The following KLF12 variants were observed in gnomAD, a reference collection of about 807,000 sequenced individuals.
The protein encoded by KLF12 is Krueppel-like factor 12.
In KLF12, 9 loss-of-function variants were observed where a neutral mutation model predicts 37.8. That is an observed-to-expected ratio of 0.24 (90% CI 0.14 to 0.42). The LOEUF (loss-of-function observed/expected upper bound fraction) is 0.42, where lower values mean the gene tolerates loss of function less well. KLF12 is among the 10% of genes least tolerant of loss of function. The pLI is 1.00. For missense variants in KLF12, 411 were observed against 516.0 expected, an observed-to-expected ratio of 0.80 and a Z score of 1.97; for synonymous variants, 208 against 202.1, an observed-to-expected ratio of 1.03 and a Z score of -0.25.
intron 1 of KLF12, among the ~76,000 whole-genome samples, chr13:74,033,713 G>A (rs999393669): frequency 4.6e-5 from 7 of 151,906 alleles, no homozygotes; most frequent in African/African-American, 1.5e-4. Flanking sequence ...TGATTGCTTC[G>A]CAACTTTTAA....
At chr13:73,735,674 T>C (rs957189015) in intron 6 of KLF12, among the ~76,000 whole-genome samples, 7 of 152,130 alleles carry the variant, frequency 4.6e-5, no homozygotes, top group African/African-American at 1.4e-4. Flanking sequence ...TCTGGAGGAG[T>C]TGAGGAAAAG....
At chr13:73,963,127 C>T (rs1891069517) in intron 2 of KLF12, among the ~76,000 whole-genome samples, 1 of 152,030 alleles carries the variant, frequency 6.6e-6, no homozygotes, top group Non-Finnish European at 1.5e-5. Flanking sequence ...AAGAAAATTG[C>T]TATCTGGTAT....
chr13:74,014,567 C>T (rs1057400367), intron 1 of KLF12, among the ~76,000 whole-genome samples: 1 of 152,068 alleles, frequency 6.6e-6, no homozygotes, highest in African/African-American at 2.4e-5. Flanking sequence ...ATATGGAATG[C>T]ATATTAAAAT....
At chr13:73,736,487 C>T (rs1194414391) in intron 6 of KLF12, among the ~76,000 whole-genome samples, 3 of 152,094 alleles carry the variant, frequency 2.0e-5, no homozygotes, top group African/African-American at 7.2e-5. Flanking sequence ...AGAAAAGTCA[C>T]CATTTTATAC....
intron 1 of KLF12, among the ~76,000 whole-genome samples, chr13:74,038,935 G>A (rs1178984242): frequency 1.3e-5 from 2 of 151,438 alleles, no homozygotes; most frequent in African/African-American, 4.8e-5. Flanking sequence ...TATGCTATTA[G>A]AATTTGAATA....
At chr13:73,788,652 TA>T (rs1242072968) in intron 5 of KLF12, among the ~76,000 whole-genome samples, 5 of 151,062 alleles carry the variant, frequency 3.3e-5, no homozygotes, top group Non-Finnish European at 5.9e-5. Context: ...TTTTTTTTTT[TA>T]TTTTTAAAGA....
the KLF12 span, among the ~76,000 whole-genome samples, chr13:74,285,007 G>A: frequency 1.3e-5 from 2 of 152,106 alleles, no homozygotes; most frequent in African/African-American, 4.8e-5. Context: ...TGAGATTGGA[G>A]GTTTATGAAA....
At chr13:74,088,737 T>C (rs1399021736) in intron 1 of KLF12, among the ~76,000 whole-genome samples, 1 of 152,154 alleles carries the variant, frequency 6.6e-6, no homozygotes, top group Non-Finnish European at 1.5e-5. Context: ...ATGCCTAAAC[T>C]TGTACTTCTG....
chr13:73,925,603 C>T (rs920970709), intron 3 of KLF12, among the ~76,000 whole-genome samples: 1 of 152,086 alleles, frequency 6.6e-6, no homozygotes, highest in African/African-American at 2.4e-5. Context: ...CATTCTGCAG[C>T]CCGTGGATAA....
intron 2 of KLF12, among the ~76,000 whole-genome samples, chr13:73,976,995 A>G (rs975483986): frequency 6.6e-6 from 1 of 152,126 alleles, no homozygotes; most frequent in Non-Finnish European, 1.5e-5. Flanking sequence ...AAAGTAAGTG[A>G]AAGCTTTATC....
chr13:74,153,243 C>T, the KLF12 span, among the ~76,000 whole-genome samples: 829 of 152,166 alleles, frequency 5.4e-3, 8 homozygotes, highest in Non-Finnish European at 9.6e-3. Context: ...TTCTTGAATT[C>T]AATGAAGTCA....
chr13:73,827,838 C>T (rs968136505), intron 4 of KLF12, among the ~76,000 whole-genome samples: 2 of 150,028 alleles, frequency 1.3e-5, no homozygotes, highest in African/African-American at 4.9e-5. Context: ...GCTGGGATTA[C>T]AAGTGTGAGC....
intron 4 of KLF12, among the ~76,000 whole-genome samples, chr13:73,819,964 A>G (rs1472601966): frequency 6.6e-6 from 1 of 152,162 alleles, no homozygotes; most frequent in African/African-American, 2.4e-5. Flanking sequence ...TGGAACCAAT[A>G]CAGGGAACTG....
At chr13:74,063,923 A>T (rs1873755151) in intron 1 of KLF12, among the ~76,000 whole-genome samples, 1 of 152,214 alleles carries the variant, frequency 6.6e-6, no homozygotes, top group African/African-American at 2.4e-5. Flanking sequence ...ATTCCAAAAG[A>T]CAGCATTTAG....
the KLF12 span, among the ~76,000 whole-genome samples, chr13:74,286,554 T>C: frequency 6.6e-6 from 1 of 152,348 alleles, no homozygotes; most frequent in African/African-American, 2.4e-5. Context: ...ATACCATCCA[T>C]GCAGTCTTTT....
At chr13:73,878,280 A>G (rs1886812836) in intron 3 of KLF12, among the ~76,000 whole-genome samples, 1 of 152,174 alleles carries the variant, frequency 6.6e-6, no homozygotes, top group African/African-American at 2.4e-5. Context: ...ATAATCACAT[A>G]AAATTATACA....
chr13:73,851,821 C>T (rs1164434452), intron 3 of KLF12, among the ~76,000 whole-genome samples: 1 of 152,142 alleles, frequency 6.6e-6, no homozygotes, highest in Non-Finnish European at 1.5e-5. Context: ...TCTATGACTC[C>T]ACATCCTTGG....
intron 1 of KLF12, among the ~76,000 whole-genome samples, chr13:74,114,184 G>A (rs1877145152): frequency 6.6e-6 from 1 of 152,024 alleles, no homozygotes; most frequent in African/African-American, 2.4e-5. Flanking sequence ...AACTGCCATG[G>A]CCACCCCAAC....
rs573408218 is a variant in KLF12, at chr13:74,080,129, A to C, written c.-32+53610T>G. The stretch of plus-strand genomic sequence containing the variant: ...AAATAAGCCACTCACAAAAAGTCAA[A>C]TACTGACTGATTCCACTTAAAGTTC... On this transcript the variant is annotated intron_variant, in intron 1 of 7. Transcript: ENST00000377669. Among the ~76,000 whole-genome samples, 23 of 152,312 alleles carry C rather than the reference A, an allele frequency of 1.5e-4. No homozygotes were observed. In the South Asian group the frequency reaches 3.3e-3, roughly 22 times the overall value.
Sources: allele counts gnomAD v4.1 joint callset (sites outside exome capture counted in the v4.1 genomes callset), GRCh38; gene constraint gnomAD v4.1.1; transcripts MANE v1.5; gene names NCBI Gene and HGNC (gene_info 2026-07-23, HGNC 2026-07-21).